Variants in NAPA observed in about 807,000 individuals in gnomAD.
NAPA encodes alpha-soluble NSF attachment protein.
In NAPA, 18 loss-of-function variants were observed where a neutral mutation model predicts 48.0. The observed-to-expected ratio is 0.38, with a 90% CI of 0.26 to 0.56. The LOEUF (loss-of-function observed/expected upper bound fraction) is 0.56, where lower values mean the gene tolerates loss of function less well. NAPA is among the 20% of genes least tolerant of loss of function. The pLI, the probability that NAPA is intolerant of heterozygous loss-of-function variation, is 0.77. For synonymous variants in NAPA, 152 were observed against 149.9 expected (o/e 1.01, Z -0.10); for missense variants, 315 against 385.0 (o/e 0.82, Z 1.52).
rs959725757 is a variant in NAPA at position 47,493,554 on chromosome 19, G to A, written c.343-61C>T. 8.9e-6 allele frequency: 13 copies of A among 1,464,578 alleles called. No individual in the cohort carries two copies. Among genetic ancestry groups the A allele is most frequent in the Non-Finnish European group, 1.2e-5 (13 of 1,048,480 alleles). 90.7% of individuals were successfully genotyped at this position (1,464,578 alleles called of 1,614,324 possible). ...ATGACCTCCTGCGTGCCTGCCTGCT[G>A]ACCTATGACCCTTCAAGTTCCCACC... On this transcript the variant is annotated intron_variant, in intron 4 of 10. Transcript: ENST00000263354. The surrounding 1 kb of genome is among the most constrained non-coding windows in gnomAD (Gnocchi z 6.4).
rs1394597546 is a variant in NAPA at position 47,488,456 on chromosome 19, C to A, written c.787-67G>T. 8 of 1,323,592 alleles carry A rather than the reference C, an allele frequency of 6.0e-6. No homozygotes were observed. The Admixed American group carries it at 1.5e-4, about 24-fold the overall frequency. The allele number at this position is 1,323,592 out of a possible 1,614,324, so 82.0% of individuals were successfully genotyped here. On this transcript the variant is annotated intron_variant, in intron 10 of 10. Coordinates refer to ENST00000263354, the MANE Select transcript of NAPA (RefSeq NM_003827.4). The stretch of plus-strand genomic sequence containing the variant: ...TTCCCAACCCTGCAGCCCAAGGGCA[C>A]TTGTCCCAAGGTTTTCAAGATCTGT...
chr19:47,495,575 C>A lies in NAPA; in HGVS notation c.317G>T (p.Arg106Leu). 21 of 1,542,846 alleles carry A rather than the reference C, an allele frequency of 1.4e-5. No homozygotes were observed. Among genetic ancestry groups the A allele is most frequent in the Non-Finnish European group, 1.7e-5 (20 of 1,148,528 alleles). The change falls in exon 4 of 11, where the codon CGA becomes CTA. Residue 106 changes from arginine to leucine, a missense_variant. By Grantham distance (102) the Arg-to-Leu change is moderately radical. This residue lies in a region of NAPA where 173 missense variants were observed against 213.5 expected (regional missense o/e 0.81). Coordinates refer to ENST00000263354, the MANE Select transcript of NAPA (RefSeq NM_003827.4). ...CATGTCTGTGTAGATCTCGATTGCTCGCATCAAACAGTTAATGGCCTCTGG... is the reference window on the plus strand; with the variant it reads ...CATGTCTGTGTAGATCTCGATTGCTAGCATCAAACAGTTAATGGCCTCTGG... ...DPQEAINCLM[R>L]AIEIYTDMGR...
intron 1 of NAPA, among the ~76,000 whole-genome samples, chr19:47,508,381 G>A (rs1019779440): frequency 7.9e-5 from 12 of 152,240 alleles, no homozygotes; most frequent in Admixed American, 3.3e-4. Context: ...CCGCCACTCT[G>A]CAGTGGGCCT....
chr19:47,492,242 C>T (rs563514745), intron 7 of NAPA, 123 bp from the exon 8 acceptor site: 6 of 806,436 alleles, frequency 7.4e-6, no homozygotes, highest in Admixed American at 5.0e-5. Context: ...GCCCTGTTAA[C>T]CCAGGACCCC....
Position 47,493,587 on chromosome 19 carries a change from C to A in NAPA, c.343-94G>T. 2 of 1,062,358 alleles carry A rather than the reference C, an allele frequency of 1.9e-6. No homozygotes were observed. The highest frequency in any genetic ancestry group is 2.9e-6 in the Non-Finnish European group (2 of 688,732). 65.8% of individuals were successfully genotyped at this position (1,062,358 alleles called of 1,614,324 possible). A position where few individuals can be genotyped will look rare whatever the true frequency, so the allele number is the denominator to read the frequency against. ...ACCCTTCAAGTTCCCACCCCTCAGC[C>A]ACGCCTGTGAGGAGGTATGAAGAAG... On this transcript the variant is annotated intron_variant, in intron 4 of 10. Transcript: ENST00000263354. The surrounding 1 kb of genome is among the most constrained non-coding windows in gnomAD (Gnocchi z 6.4).
intron 2 of NAPA, 122 bp downstream of exon 2, chr19:47,503,294 CTTTCCGA>C: frequency 1.2e-6 from 1 of 827,218 alleles, no homozygotes; most frequent in South Asian, 1.4e-5. Flanking sequence ...AGGCCAGTGG[CTTTCCGA>C]TGCCGGAGAG....
In NAPA at chr19:47,502,875, T is replaced by C. The variant is rs141417809; in HGVS notation, c.178+548A>G. Among the ~76,000 whole-genome samples the C allele has an allele frequency of 5.9e-3, 906 of 152,310 alleles. 8 individuals are homozygous for C. The highest frequency in any genetic ancestry group is 0.021 in the African/African-American group (862 of 41,568). The stretch of plus-strand genomic sequence containing the variant: ...TGCAGTCAGAGCCTTGGTTTCTGAA[T>C]CTTGGTTCTGTCACTTACTAGTTCT... On this transcript the variant is annotated intron_variant, in intron 2 of 10. Coordinates refer to ENST00000263354, the MANE Select transcript of NAPA (RefSeq NM_003827.4).
Position 47,490,485 on chromosome 19 carries a change from T to C in NAPA, c.735+303A>G, listed in dbSNP as rs1968228772. ...TGTAGTGTATGTTTGGTGTGTGTGG[T>C]GTGGTGTGATGTGTGTGGTGTGGTG... On this transcript the variant is annotated intron_variant, in intron 9 of 10. Coordinates refer to ENST00000263354, the MANE Select transcript of NAPA (RefSeq NM_003827.4). Among the ~76,000 whole-genome samples, 6 of 81,876 alleles carry C rather than the reference T, an allele frequency of 7.3e-5. No homozygotes were observed. The South Asian group carries it at 3.0e-3, about 41-fold the overall frequency. The allele number at this position is 81,876 out of a possible 152,430, so 53.7% of individuals were successfully genotyped here.
intron 3 of NAPA, chr19:47,495,982 G>A: frequency 4.8e-6 from 1 of 208,262 alleles, no homozygotes; most frequent in Non-Finnish European, 9.9e-6. Context: ...TGCTCTTGAA[G>A]GACTGAGCTG....
intron 1 of NAPA, among the ~76,000 whole-genome samples, chr19:47,514,315 G>A (rs1280870685): frequency 6.6e-6 from 1 of 151,938 alleles, no homozygotes; most frequent in Non-Finnish European, 1.5e-5. Flanking sequence ...ACCGCCCAGG[G>A]CCCACGCAAA....
At chr19:47,498,624 G>A (rs547284890) in intron 3 of NAPA, among the ~76,000 whole-genome samples, 1 of 152,168 alleles carries the variant, frequency 6.6e-6, no homozygotes, top group Admixed American at 6.5e-5. Context: ...TCACTATGTT[G>A]TCCAGACTGG....
In NAPA at chr19:47,506,698, A is replaced by G. The variant is rs932042929; in HGVS notation, c.99-3196T>C. The G allele has an allele frequency of 1.6e-4, 24 of 152,308 alleles. No homozygotes were observed. The highest frequency in any genetic ancestry group is 5.8e-4 in the African/African-American group (24 of 41,462). The allele number at this position is 152,308 out of a possible 1,614,324, so 9.4% of individuals were successfully genotyped here. On this transcript the variant is annotated intron_variant, in intron 1 of 10. Coordinates refer to ENST00000263354, the MANE Select transcript of NAPA (RefSeq NM_003827.4). The surrounding 1 kb of genome is among the most constrained non-coding windows in gnomAD (Gnocchi z 4.0). ...CAGCTGCCCGGGCTGAAACTCTGTG[A>G]TCCCAGGCTAAGCACAGCCAACCCT...
intron 2 of NAPA, among the ~76,000 whole-genome samples, chr19:47,502,933 A>C (rs1256665187): frequency 2.6e-5 from 4 of 152,220 alleles, no homozygotes; most frequent in South Asian, 2.1e-4. Flanking sequence ...GCCAAGCCTC[A>C]GTTTCCAAAT....
chr19:47,499,885 T>C (rs1968528656), intron 3 of NAPA, among the ~76,000 whole-genome samples: 1 of 152,236 alleles, frequency 6.6e-6, no homozygotes, highest in Non-Finnish European at 1.5e-5. Context: ...ATATTTTCCA[T>C]TCCCCTGAGA....
In NAPA at chr19:47,493,638, G is replaced by A. The variant is rs943509155; in HGVS notation, c.343-145C>T. 19 of 705,796 alleles carry A rather than the reference G, an allele frequency of 2.7e-5. No individual in the cohort carries two copies. Among genetic ancestry groups the A allele is most frequent in the Non-Finnish European group, 5.0e-6 (2 of 396,894 alleles). The allele number at this position is 705,796 out of a possible 1,614,324, so 43.7% of individuals were successfully genotyped here. A position where few individuals can be genotyped will look rare whatever the true frequency, so the allele number is the denominator to read the frequency against. ...ACCTGAGGTGTGAAGAAGATCGAGAGGTGGGGGAACACAGGAGTGAGAAGG... is the reference window on the plus strand; with the variant it reads ...ACCTGAGGTGTGAAGAAGATCGAGAAGTGGGGGAACACAGGAGTGAGAAGG... On this transcript the variant is annotated intron_variant, in intron 4 of 10. Coordinates refer to ENST00000263354, the MANE Select transcript of NAPA (RefSeq NM_003827.4). The surrounding 1 kb of genome is among the most constrained non-coding windows in gnomAD (Gnocchi z 6.4).
intron 1 of NAPA, among the ~76,000 whole-genome samples, chr19:47,508,192 G>T (rs771869900): frequency 6.6e-6 from 1 of 152,242 alleles, no homozygotes; most frequent in Non-Finnish European, 1.5e-5. Flanking sequence ...ACAGGCAGAA[G>T]GAACGTCAGA....
intron 9 of NAPA, among the ~76,000 whole-genome samples, chr19:47,489,983 C>A (rs1201033245): frequency 6.6e-6 from 1 of 152,048 alleles, no homozygotes; most frequent in African/African-American, 2.4e-5. Flanking sequence ...GGCAACCTTA[C>A]CAACATAGAA....
chr19:47,504,621 C>T (rs1246933778), intron 1 of NAPA, among the ~76,000 whole-genome samples: 2 of 151,206 alleles, frequency 1.3e-5, no homozygotes, highest in Non-Finnish European at 2.9e-5. Flanking sequence ...GTTTGTACAT[C>T]TTTTCGAGAA....
At chr19:47,494,571 C>T (rs1005456251) in intron 4 of NAPA, among the ~76,000 whole-genome samples, 4 of 151,952 alleles carry the variant, frequency 2.6e-5, no homozygotes, top group African/African-American at 7.3e-5. Flanking sequence ...AACCACATCT[C>T]TACTGAAAAT....
Sources: allele counts gnomAD v4.1 joint callset (sites outside exome capture counted in the v4.1 genomes callset), GRCh38; gene constraint gnomAD v4.1.1; regional missense constraint gnomAD v4.1.1; non-coding constraint Gnocchi (gnomAD v3.1); transcripts MANE v1.5; gene names NCBI Gene and HGNC (gene_info 2026-07-23, HGNC 2026-07-21).